TRPM3: variants seen among roughly 807,000 people sequenced by gnomAD.
TRPM3 encodes long transient receptor potential channel 3.
A neutral mutation model predicts 181.2 loss-of-function variants in TRPM3; 77 were observed. That is an observed-to-expected ratio of 0.42 (90% CI 0.35 to 0.51). The LOEUF is 0.51. TRPM3 is among the 20% of genes least tolerant of loss of function. The probability of loss-of-function intolerance (pLI) is 0.01; values close to 1 mark genes in which losing one functional copy is unlikely to be tolerated. For synonymous variants in TRPM3, 745 were observed against 796.4 expected, an observed-to-expected ratio of 0.94 and a Z score of 1.09; for missense variants, 1,759 against 2,196.7, an observed-to-expected ratio of 0.80 and a Z score of 3.98.
intron 1 of TRPM3, among the ~76,000 whole-genome samples, chr9:71,283,040 A>T (rs1336956661): frequency 6.6e-6 from 1 of 152,258 alleles, no homozygotes; most frequent in East Asian, 1.9e-4. Context: ...AATTGTGGTA[A>T]AATACACGTC....
chr9:71,189,531 C>G (rs1450107602), intron 1 of TRPM3, among the ~76,000 whole-genome samples: 2 of 151,784 alleles, frequency 1.3e-5, no homozygotes, highest in African/African-American at 4.8e-5. Flanking sequence ...ACTATCTCAG[C>G]TTTTGTGTTA....
intron 8 of TRPM3, among the ~76,000 whole-genome samples, chr9:70,692,611 C>T (rs984123677): frequency 2.6e-5 from 4 of 152,186 alleles, no homozygotes; most frequent in Non-Finnish European, 5.9e-5. Context: ...CTTTATACTT[C>T]GAGGCGGAGG....
At chr9:71,406,771 C>T (rs2093443218) in intron 1 of TRPM3, among the ~76,000 whole-genome samples, 1 of 152,026 alleles carries the variant, frequency 6.6e-6, no homozygotes, top group African/African-American at 2.4e-5. Flanking sequence ...GTATTGAGTC[C>T]TCTTAGAAAG....
In TRPM3 at chr9:71,025,272, C is replaced by A. The variant is rs559811291; in HGVS notation, c.177+95906G>T. On this transcript the variant is annotated intron_variant, in intron 1 of 25. Coordinates refer to ENST00000677713, the MANE Select transcript of TRPM3 (RefSeq NM_001366145.2). ...GATTGACAGATAGTAATGATCTAGACAGATGTTGTCAGCTCTAAAACATCT... is the reference window on the plus strand; with the variant it reads ...GATTGACAGATAGTAATGATCTAGAAAGATGTTGTCAGCTCTAAAACATCT... 2.6e-4 allele frequency among the ~76,000 whole-genome samples: 39 copies of A among 152,264 alleles called. 1 individual carries two copies. The highest frequency in any genetic ancestry group is 2.1e-3 in the Admixed American group (32 of 15,288).
At chr9:71,420,645 GAAAGAGAAAGAA>G (rs771454571) in intron 1 of TRPM3, among the ~76,000 whole-genome samples, 4,400 of 116,390 alleles carry the variant, frequency 0.038, 179 homozygotes, top group Admixed American at 0.13. Context: ...AAAAGAGAGA[GAAAGAGAAAGAA>G]AAAGAGAAAG....
intron 1 of TRPM3, among the ~76,000 whole-genome samples, chr9:70,918,144 T>G (rs990122921): frequency 6.6e-6 from 1 of 152,178 alleles, no homozygotes; most frequent in Non-Finnish European, 1.5e-5. Flanking sequence ...TTATTAGAGC[T>G]AAGGAGATAG....
intron 1 of TRPM3, among the ~76,000 whole-genome samples, chr9:71,033,194 G>A (rs2057752038): frequency 6.6e-6 from 1 of 152,230 alleles, no homozygotes; most frequent in African/African-American, 2.4e-5. Flanking sequence ...GGTACTTAGA[G>A]AGAAGTGGTC....
chr9:70,687,649 G>A (rs1359869217), intron 8 of TRPM3, among the ~76,000 whole-genome samples: 3 of 152,200 alleles, frequency 2.0e-5, no homozygotes, highest in African/African-American at 4.8e-5. Flanking sequence ...TGATTCTCAC[G>A]TTGAAGAGAA....
At chr9:70,603,700 T>C (rs1453038322) in intron 19 of TRPM3, among the ~76,000 whole-genome samples, 3 of 152,266 alleles carry the variant, frequency 2.0e-5, no homozygotes, top group South Asian at 4.1e-4. Context: ...TCTGGGGCTC[T>C]GGTGCTTCGT....
chr9:71,237,061 G>A (rs4069879), intron 1 of TRPM3, among the ~76,000 whole-genome samples: 6,528 of 57,074 alleles, frequency 0.11, 192 homozygotes, highest in South Asian at 0.19. Flanking sequence ...AAAAAAAAAA[G>A]GGGGGGGGAA....
At chr9:70,883,572 CTCA>C (rs2096033074) in intron 1 of TRPM3, among the ~76,000 whole-genome samples, 1 of 152,172 alleles carries the variant, frequency 6.6e-6, no homozygotes, top group Non-Finnish European at 1.5e-5. Flanking sequence ...CATTCCAATT[CTCA>C]TCAATTTCTA....
intron 1 of TRPM3, among the ~76,000 whole-genome samples, chr9:71,179,293 T>C (rs1406962879): frequency 6.6e-6 from 1 of 152,080 alleles, no homozygotes; most frequent in East Asian, 1.9e-4. Flanking sequence ...CAGTCGATTA[T>C]TAAAACGGGC....
chr9:71,205,257 A>G (rs903459693), intron 1 of TRPM3, among the ~76,000 whole-genome samples: 3 of 148,316 alleles, frequency 2.0e-5, no homozygotes, highest in Non-Finnish European at 4.5e-5. Flanking sequence ...ATAAAAAAAA[A>G]TTAATCTCAT....
At chr9:70,971,849 C>G (rs1002969946) in intron 1 of TRPM3, among the ~76,000 whole-genome samples, 1 of 152,084 alleles carries the variant, frequency 6.6e-6, no homozygotes, top group African/African-American at 2.4e-5. Flanking sequence ...TGCTCAATAT[C>G]ATTAGTCATT....
At chr9:71,284,596 TTTCTAA>T (rs1419867870) in intron 1 of TRPM3, among the ~76,000 whole-genome samples, 3 of 152,216 alleles carry the variant, frequency 2.0e-5, no homozygotes, top group African/African-American at 7.2e-5. Context: ...ATAAAAAAGA[TTTCTAA>T]TTATGGGACA....
intron 11 of TRPM3, among the ~76,000 whole-genome samples, chr9:70,637,702 G>T (rs2057433492): frequency 6.6e-6 from 1 of 152,058 alleles, no homozygotes; most frequent in African/African-American, 2.4e-5. Context: ...ACTGGCTGGG[G>T]ACAGGAAATA....
chr9:70,988,813 T>C (rs1201049009), intron 1 of TRPM3, among the ~76,000 whole-genome samples: 1 of 152,218 alleles, frequency 6.6e-6, no homozygotes, highest in Non-Finnish European at 1.5e-5. Context: ...AAACTGCCCC[T>C]GGGCACTACA....
chr9:70,632,723 GA>G (rs34736060), intron 12 of TRPM3, among the ~76,000 whole-genome samples: 123,622 of 151,320 alleles, frequency 0.82, 50,760 homozygotes, highest in East Asian at 0.92. Flanking sequence ...TACTTAAAAG[GA>G]AAAAAAAAAG....
chr9:71,069,138 A>T (rs947365873), intron 1 of TRPM3, among the ~76,000 whole-genome samples: 1 of 152,230 alleles, frequency 6.6e-6, no homozygotes, highest in African/African-American at 2.4e-5. Context: ...ATGTACTCAT[A>T]TTGAAAGCTA....
Sources: gnomAD v4.1 joint callset for allele counts (sites outside exome capture counted in the v4.1 genomes callset) on GRCh38, gnomAD v4.1.1 for gene constraint, MANE v1.5 for transcripts, NCBI Gene and HGNC (gene_info 2026-07-23, HGNC 2026-07-21) for gene names.